EYS: variants seen among roughly 807,000 people sequenced by gnomAD.
The protein encoded by EYS is protein eyes shut homolog.
Under a neutral mutation model 282.1 loss-of-function variants are expected in EYS, and 250 were observed. The ratio of observed to expected loss-of-function variants is 0.89; its 90% CI spans 0.80 to 0.98. The LOEUF is 0.98. EYS is among the 50% of genes least tolerant of loss of function. The pLI is 0.00. For synonymous variants in EYS, 1,355 were observed against 1,282.9 expected, an observed-to-expected ratio of 1.06 and a Z score of -1.20; for missense variants, 4,016 against 3,709.0, an observed-to-expected ratio of 1.08 and a Z score of -2.15.
chr6:64,347,555 T>G (rs1406777956), intron 29 of EYS, among the ~76,000 whole-genome samples: 1 of 150,538 alleles, frequency 6.6e-6, no homozygotes, highest in African/African-American at 2.4e-5. Flanking sequence ...TTTGTCATAC[T>G]ACTCTATCTA....
chr6:65,194,097 G>A (rs1765707736), intron 12 of EYS, among the ~76,000 whole-genome samples: 1 of 151,762 alleles, frequency 6.6e-6, no homozygotes, highest in Admixed American at 6.6e-5. Context: ...AGATTGCTTA[G>A]GGCTACTGCC....
At chr6:63,876,554 C>A (rs1456460755) in intron 35 of EYS, among the ~76,000 whole-genome samples, 1 of 152,074 alleles carries the variant, frequency 6.6e-6, no homozygotes, top group African/African-American at 2.4e-5. Context: ...ATGGATCTGT[C>A]TAATATTGAC....
intron 35 of EYS, among the ~76,000 whole-genome samples, chr6:63,922,505 G>A (rs940710015): frequency 6.6e-6 from 1 of 152,172 alleles, no homozygotes; most frequent in Non-Finnish European, 1.5e-5. Context: ...GGAGGTTGCA[G>A]TGAGCCAAGA....
chr6:65,221,485 G>T (rs1265792729), intron 12 of EYS, among the ~76,000 whole-genome samples: 2 of 152,192 alleles, frequency 1.3e-5, no homozygotes, highest in Non-Finnish European at 2.9e-5. Flanking sequence ...GCTTACACAT[G>T]GTTTTGGGCC....
At chr6:64,264,513 C>T (rs574096277) in intron 30 of EYS, among the ~76,000 whole-genome samples, 3 of 152,152 alleles carry the variant, frequency 2.0e-5, no homozygotes, top group Non-Finnish European at 4.4e-5. Context: ...TCTTGAGATT[C>T]GAGCTTGGAA....
intron 41 of EYS, among the ~76,000 whole-genome samples, chr6:63,728,753 T>G (rs992210598): frequency 1.3e-5 from 2 of 152,178 alleles, no homozygotes; most frequent in African/African-American, 4.8e-5. Flanking sequence ...CCACTGATCT[T>G]TTTTTACTGA....
chr6:65,265,017 T>C (rs1294314382), intron 12 of EYS, among the ~76,000 whole-genome samples: 2 of 151,974 alleles, frequency 1.3e-5, no homozygotes, highest in South Asian at 2.1e-4. Flanking sequence ...TTCAGAAAGA[T>C]TTTAAAACAT....
At chr6:64,319,838 T>C (rs969003887) in intron 29 of EYS, among the ~76,000 whole-genome samples, 1 of 151,942 alleles carries the variant, frequency 6.6e-6, no homozygotes, top group Non-Finnish European at 1.5e-5. Context: ...CTGCTGCTGT[T>C]GTGATGTATT....
chr6:65,443,423 T>TAC (rs1768501830), intron 5 of EYS, among the ~76,000 whole-genome samples: 1 of 134,638 alleles, frequency 7.4e-6, no homozygotes, highest in African/African-American at 2.7e-5. Context: ...GCCATATATG[T>TAC]ACATATATGT....
chr6:64,316,867 T>C (rs946459804), intron 29 of EYS, among the ~76,000 whole-genome samples: 3 of 152,014 alleles, frequency 2.0e-5, no homozygotes, highest in African/African-American at 7.2e-5. Flanking sequence ...AAAACAGATA[T>C]ATAGACCAAT....
At chr6:65,526,394 C>T (rs1437295366) in intron 2 of EYS, among the ~76,000 whole-genome samples, 3 of 152,138 alleles carry the variant, frequency 2.0e-5, no homozygotes, top group Non-Finnish European at 4.4e-5. Context: ...TTTCTTTTCT[C>T]TTAAAAGATG....
chr6:65,138,711 C>T (rs1429362626), intron 12 of EYS, among the ~76,000 whole-genome samples: 1 of 151,838 alleles, frequency 6.6e-6, no homozygotes. Context: ...AAAATAGCAC[C>T]CCCAAATGCC....
At chr6:64,051,813 A>G (rs1331413204) in intron 33 of EYS, among the ~76,000 whole-genome samples, 1 of 152,188 alleles carries the variant, frequency 6.6e-6, no homozygotes, top group East Asian at 1.9e-4. Flanking sequence ...CAAACAACTG[A>G]TAGCTCTTTT....
At chr6:64,815,574 TC>T (rs1764722535) in intron 21 of EYS, among the ~76,000 whole-genome samples, 1 of 152,128 alleles carries the variant, frequency 6.6e-6, no homozygotes, top group South Asian at 2.1e-4. Flanking sequence ...TCTTGATCTT[TC>T]CTGGTTTAAA....
At chr6:64,871,905 T>C (rs1766609534) in intron 19 of EYS, among the ~76,000 whole-genome samples, 1 of 151,956 alleles carries the variant, frequency 6.6e-6, no homozygotes, top group East Asian at 1.9e-4. Flanking sequence ...AACAAAGAAT[T>C]TGAAAAAGAA....
chr6:65,061,332 G>A (rs1000853565), intron 12 of EYS, among the ~76,000 whole-genome samples: 7 of 151,898 alleles, frequency 4.6e-5, no homozygotes, highest in Non-Finnish European at 1.0e-4. Context: ...AAAAGTTTCT[G>A]GGCAGACAAA....
intron 30 of EYS, among the ~76,000 whole-genome samples, chr6:64,280,021 A>C (rs1258613718): frequency 6.6e-6 from 1 of 152,194 alleles, no homozygotes; most frequent in Non-Finnish European, 1.5e-5. Context: ...GCAGAGAAAG[A>C]AAAGATTGTC....
intron 36 of EYS, among the ~76,000 whole-genome samples, chr6:63,820,753 G>T (rs1771300775): frequency 2.6e-5 from 4 of 152,122 alleles, no homozygotes; most frequent in Non-Finnish European, 4.4e-5. Flanking sequence ...TCTCATATAT[G>T]CTGGGGTCTT....
chr6:65,477,047 T>C (rs777587203), intron 5 of EYS, among the ~76,000 whole-genome samples: 3 of 152,312 alleles, frequency 2.0e-5, no homozygotes, highest in African/African-American at 4.8e-5. Flanking sequence ...TTAATAATTA[T>C]GGTATTGTGC....
Sources: gnomAD v4.1 joint callset for allele counts (sites outside exome capture counted in the v4.1 genomes callset) on GRCh38, gnomAD v4.1.1 for gene constraint, MANE v1.5 for transcripts, NCBI Gene and HGNC (gene_info 2026-07-23, HGNC 2026-07-21) for gene names.